CDH18: variants seen among roughly 807,000 people sequenced by gnomAD.
CDH18 encodes cadherin 18.
In CDH18, 31 loss-of-function variants were observed where a neutral mutation model predicts 67.9. That is an observed-to-expected ratio of 0.46 (90% CI 0.34 to 0.62). The LOEUF is 0.62. Ranked by LOEUF, CDH18 falls within the 20% of genes least tolerant of loss-of-function variation. The pLI is 0.01. For synonymous variants in CDH18, 362 were observed against 347.2 expected, an observed-to-expected ratio of 1.04 and a Z score of -0.48; for missense variants, 890 against 975.5, an observed-to-expected ratio of 0.91 and a Z score of 1.17.
intron 2 of CDH18, among the ~76,000 whole-genome samples, chr5:19,893,038 A>G (rs1371834950): frequency 6.6e-6 from 1 of 152,126 alleles, no homozygotes; most frequent in Admixed American, 6.6e-5. Context: ...GAGAGATGGG[A>G]AATTTGGGAG....
intron 1 of CDH18, among the ~76,000 whole-genome samples, chr5:20,311,035 TA>T (rs1736931517): frequency 6.6e-6 from 1 of 152,130 alleles, no homozygotes; most frequent in Non-Finnish European, 1.5e-5. Flanking sequence ...GAAAAGTTAT[TA>T]AATTCACCAG....
At chr5:19,845,916 T>A (rs1263111396) in intron 2 of CDH18, among the ~76,000 whole-genome samples, 1 of 151,904 alleles carries the variant, frequency 6.6e-6, no homozygotes, top group Non-Finnish European at 1.5e-5. Flanking sequence ...CTAAAGTGAG[T>A]CTATTGTAGA....
In CDH18 at chr5:19,496,704, C is replaced by T. The variant is rs115223955; in HGVS notation, c.1630+6288G>A. On this transcript the variant is annotated intron_variant, in intron 11 of 12. Coordinates refer to ENST00000382275, the MANE Select transcript of CDH18 (RefSeq NM_004934.5). ...GAAAGTGCCTGTAGTCCCAGATACT[C>T]GGGAGGCTGAGTTAGGAGAATCGCT... Among the ~76,000 whole-genome samples the T allele has an allele frequency of 8.5e-3, 1,247 of 147,520 alleles. 11 individuals are homozygous for T. The highest frequency in any genetic ancestry group is 0.014 in the Non-Finnish European group (955 of 67,426).
chr5:19,575,847 C>T (rs1742227290), intron 7 of CDH18, among the ~76,000 whole-genome samples: 1 of 152,058 alleles, frequency 6.6e-6, no homozygotes, highest in South Asian at 2.1e-4. Context: ...TTGTGGCTGC[C>T]CTAGCCTGCC....
Position 19,710,625 on chromosome 5 carries a change from A to G in CDH18, c.643+10722T>C, listed in dbSNP as rs148478069. ...TAAACTAGAATATTACAAAATTGAT[A>G]GAAGTAGCAAAATAAAAACTGTTTA... On this transcript the variant is annotated intron_variant, in intron 5 of 12. Transcript: ENST00000382275. Among the ~76,000 whole-genome samples the G allele has an allele frequency of 3.8e-3, 582 of 152,268 alleles. 5 individuals are homozygous for G. Among genetic ancestry groups the G allele is most frequent in the Admixed American group, 9.4e-3 (144 of 15,280 alleles).
Position 20,551,077 on chromosome 5 carries a change from A to G in CDH18, c.-580+24385T>C, listed in dbSNP as rs1049458864. Among the ~76,000 whole-genome samples the G allele has an allele frequency of 1.8e-4, 28 of 152,204 alleles. 1 individual carries two copies. Among genetic ancestry groups the G allele is most frequent in the African/African-American group, 6.5e-4 (27 of 41,458 alleles). ...TTACAACAGAAATTCAAACTAATAG[A>G]TGTCTCAATAAAAACGTGCTAAAAT... On this transcript the variant is annotated intron_variant, in intron 1 of 14. Transcript: ENST00000507958.
At chr5:19,825,739 A>G (rs1780338089) in intron 3 of CDH18, among the ~76,000 whole-genome samples, 1 of 152,144 alleles carries the variant, frequency 6.6e-6, no homozygotes, top group Non-Finnish European at 1.5e-5. Flanking sequence ...TATGCAAAGG[A>G]CAGCAACTTC....
At chr5:19,907,725 G>A (rs933874642) in intron 2 of CDH18, among the ~76,000 whole-genome samples, 11 of 151,630 alleles carry the variant, frequency 7.3e-5, no homozygotes, top group African/African-American at 2.7e-4. Context: ...GAAAAATTTA[G>A]GAAAGGCATA....
chr5:19,858,103 C>T (rs980461502), intron 2 of CDH18, among the ~76,000 whole-genome samples: 3 of 152,122 alleles, frequency 2.0e-5, no homozygotes, highest in African/African-American at 4.8e-5. Flanking sequence ...AAGCAAAGTA[C>T]ATTTTAGGGA....
chr5:20,401,153 T>TTGAAATAATA (rs1189644909), intron 1 of CDH18, among the ~76,000 whole-genome samples: 1 of 152,252 alleles, frequency 6.6e-6, no homozygotes, highest in East Asian at 1.9e-4. Context: ...AACAACTGTC[T>TTGAAATAATA]TGAAATAATA....
At chr5:19,880,148 C>T (rs1022448277) in intron 2 of CDH18, among the ~76,000 whole-genome samples, 2 of 151,806 alleles carry the variant, frequency 1.3e-5, no homozygotes, top group African/African-American at 4.8e-5. Context: ...TCTATATGTA[C>T]TTCTATCTCT....
intron 1 of CDH18, among the ~76,000 whole-genome samples, chr5:20,389,821 A>G (rs2150113147): frequency 6.6e-6 from 1 of 152,304 alleles, no homozygotes; most frequent in Non-Finnish European, 1.5e-5. Context: ...CAGAGCCCTC[A>G]GAAACAATGC....
At chr5:19,781,820 G>C (rs1775147867) in intron 3 of CDH18, among the ~76,000 whole-genome samples, 1 of 152,094 alleles carries the variant, frequency 6.6e-6, no homozygotes, top group Admixed American at 6.6e-5. Flanking sequence ...AATGAAAAGT[G>C]AGAGAAAACA....
chr5:20,220,527 A>G lies in CDH18; in HGVS notation c.-518+34917T>C, dbSNP rs939777541. 5.9e-5 allele frequency among the ~76,000 whole-genome samples: 9 copies of G among 152,132 alleles called. No individual in the cohort carries two copies. In the South Asian group the frequency reaches 1.9e-3, roughly 32 times the overall value. ...AGACCTAAAAATGTGAAACTACTAT[A>G]AGAAAATATTGGGGAAACTCCAAGA... On this transcript the variant is annotated intron_variant, in intron 2 of 14. Coordinates refer to the CDH18 transcript ENST00000507958.
At chr5:20,389,763 C>G (rs1190695015) in intron 1 of CDH18, among the ~76,000 whole-genome samples, 1 of 152,122 alleles carries the variant, frequency 6.6e-6, no homozygotes, top group African/African-American at 2.4e-5. Flanking sequence ...GTAAACAAAA[C>G]AGCATGGTAC....
At chr5:20,473,225 C>T (rs541399713) in intron 1 of CDH18, among the ~76,000 whole-genome samples, 1 of 151,634 alleles carries the variant, frequency 6.6e-6, no homozygotes, top group African/African-American at 2.4e-5. Context: ...TGTTAAAAAA[C>T]AAAAACAAAA....
At chr5:20,222,802 T>C (rs1290813941) in intron 2 of CDH18, among the ~76,000 whole-genome samples, 1 of 151,978 alleles carries the variant, frequency 6.6e-6, no homozygotes, top group Non-Finnish European at 1.5e-5. Context: ...GAATTGTGCA[T>C]GTTTTCTGAC....
intron 9 of CDH18, among the ~76,000 whole-genome samples, chr5:19,532,051 A>C (rs944715090): frequency 2.0e-5 from 3 of 152,192 alleles, no homozygotes; most frequent in Non-Finnish European, 4.4e-5. Flanking sequence ...TTTACACATT[A>C]AAATGGTAAT....
intron 1 of CDH18, among the ~76,000 whole-genome samples, chr5:20,518,682 C>T (rs1422620985): frequency 6.6e-6 from 1 of 152,080 alleles, no homozygotes; most frequent in East Asian, 1.9e-4. Flanking sequence ...CCATGTGGGC[C>T]TGAAGGTGAA....
Sources: allele counts gnomAD v4.1 joint callset (sites outside exome capture counted in the v4.1 genomes callset), GRCh38; gene constraint gnomAD v4.1.1; transcripts MANE v1.5; gene names NCBI Gene and HGNC (gene_info 2026-07-23, HGNC 2026-07-21).